IL1RAPL1: variants seen among roughly 807,000 people sequenced by gnomAD.
The protein encoded by IL1RAPL1 is interleukin-1 receptor accessory protein-like 1.
IL1RAPL1 carries 3 observed loss-of-function variants against 48.4 expected under a neutral mutation model. That is an observed-to-expected ratio of 0.06 (90% CI 0.03 to 0.16). The LOEUF is 0.16. IL1RAPL1 is among the 10% of genes least tolerant of loss of function. IL1RAPL1 has a pLI of 1.00. For missense variants in IL1RAPL1, 349 were observed against 530.6 expected, an observed-to-expected ratio of 0.66 and a Z score of 3.36; for synonymous variants, 185 against 187.7, an observed-to-expected ratio of 0.99 and a Z score of 0.12.
intron 3 of IL1RAPL1, among the ~76,000 whole-genome samples, chrX:29,343,697 TTGA>T (rs1933112348): frequency 9.3e-6 from 1 of 106,970 alleles, no homozygotes; most frequent in Non-Finnish European, 1.9e-5. Flanking sequence ...GCGAGTCAAC[TTGA>T]TGATATTCTA....
chrX:29,799,338 A>ATAATT (rs1183795308), intron 6 of IL1RAPL1, among the ~76,000 whole-genome samples: 1 of 112,257 alleles, frequency 8.9e-6, no homozygotes, highest in Admixed American at 9.5e-5. Flanking sequence ...CTTCTTCTAT[A>ATAATT]TAATTTACTT....
At chrX:29,418,310 T>G (rs2147703354) in intron 5 of IL1RAPL1, among the ~76,000 whole-genome samples, 1 of 106,508 alleles carries the variant, frequency 9.4e-6, no homozygotes, top group Admixed American at 1.0e-4. Flanking sequence ...ATTTTTTTAG[T>G]AGAGATGGGG....
intron 6 of IL1RAPL1, among the ~76,000 whole-genome samples, chrX:29,759,892 G>T (rs1928714029): frequency 9.0e-6 from 1 of 111,526 alleles, no homozygotes; most frequent in Non-Finnish European, 1.9e-5. Context: ...TTCCCTTGGG[G>T]TAATGGCCAG....
rs1053224125 is a variant in IL1RAPL1 at position 29,756,316 on chromosome X, A to C, written c.778+87812A>C. ...TATACACAGATTTTTAATAATGATT[A>C]TTTCCAGGAATTAGGGAAGAGGTGA... On this transcript the variant is annotated intron_variant, in intron 6 of 10. Coordinates refer to ENST00000378993, the MANE Select transcript of IL1RAPL1 (RefSeq NM_014271.4). 8.9e-5 allele frequency among the ~76,000 whole-genome samples: 10 copies of C among 112,288 alleles called. No individual in the cohort carries two copies. In the East Asian group the frequency reaches 2.8e-3, roughly 31 times the overall value.
At chrX:29,604,216 A>G (rs1257873269) in intron 5 of IL1RAPL1, among the ~76,000 whole-genome samples, 1 of 112,080 alleles carries the variant, frequency 8.9e-6, no homozygotes, top group Non-Finnish European at 1.9e-5. Context: ...TCTCCTCTGA[A>G]TAGCTGCTAT....
chrX:29,913,405 C>CACACACACACACACACACACAT (rs1410153900), intron 6 of IL1RAPL1, among the ~76,000 whole-genome samples: 1 of 109,515 alleles, frequency 9.1e-6, no homozygotes, highest in Non-Finnish European at 1.9e-5. Flanking sequence ...CACACACACA[C>CACACACACACACACACACACAT]ATATATACAC....
At chrX:29,271,968 G>A (rs1005256420) in intron 2 of IL1RAPL1, among the ~76,000 whole-genome samples, 2 of 111,576 alleles carry the variant, frequency 1.8e-5, no homozygotes, top group African/African-American at 6.5e-5. Flanking sequence ...TCCTTATTAT[G>A]TAATCTTTGC....
At chrX:28,680,359 G>A (rs1411076470) in intron 1 of IL1RAPL1, among the ~76,000 whole-genome samples, 2 of 110,295 alleles carry the variant, frequency 1.8e-5, no homozygotes, top group Admixed American at 9.6e-5. Context: ...CAGTTTTTTT[G>A]TTGCCATTAG....
chrX:29,522,610 A>AATTTTT (rs1222469502), intron 5 of IL1RAPL1, among the ~76,000 whole-genome samples: 1 of 112,011 alleles, frequency 8.9e-6, no homozygotes, highest in African/African-American at 3.2e-5. Flanking sequence ...TTTAAATGTT[A>AATTTTT]ATTTTTATTG....
At chrX:29,394,208 C>T (rs1035565556) in intron 3 of IL1RAPL1, among the ~76,000 whole-genome samples, 2 of 110,736 alleles carry the variant, frequency 1.8e-5, no homozygotes, top group Admixed American at 2.0e-4. Context: ...TTCATTGGGG[C>T]TGCCATTTGT....
chrX:29,550,434 C>A (rs972142997), intron 5 of IL1RAPL1, among the ~76,000 whole-genome samples: 1 of 111,578 alleles, frequency 9.0e-6, no homozygotes, highest in African/African-American at 3.3e-5. Context: ...CCGCCTCGGC[C>A]TCCCAAAGTG....
At chrX:29,632,832 C>A (rs747495359) in intron 5 of IL1RAPL1, among the ~76,000 whole-genome samples, 94 of 111,789 alleles carry the variant, frequency 8.4e-4, no homozygotes, top group African/African-American at 3.0e-3. Context: ...TTATGTCTGT[C>A]AATCCTATCT....
At chrX:29,063,650 G>A (rs1416485241) in intron 2 of IL1RAPL1, among the ~76,000 whole-genome samples, 1 of 111,853 alleles carries the variant, frequency 8.9e-6, no homozygotes, top group Admixed American at 9.5e-5. Context: ...GTATACTAGA[G>A]TGAAGAAACC....
chrX:28,789,303 T>A lies in IL1RAPL1; in HGVS notation c.-24-17T>A, dbSNP rs1437797184. On this transcript the variant is annotated splice_polypyrimidine_tract_variant and intron_variant, in intron 1 of 10. Transcript: ENST00000378993. ...TTAAAACATGTATGTTTTTCTTCTT[T>A]TTAATCTTTGCTTTAGGGAACGGCC... is the stretch of plus-strand genomic sequence containing the variant. The A allele has an allele frequency of 2.0e-6, 2 of 1,009,908 alleles. No homozygotes were observed. The highest frequency in any genetic ancestry group is 2.8e-6 in the Non-Finnish European group (2 of 712,867). The allele number at this position is 1,009,908 out of a possible 1,213,427, so 83.2% of individuals were successfully genotyped here.
chrX:28,892,890 G>C (rs774280972), intron 2 of IL1RAPL1, among the ~76,000 whole-genome samples: 67 of 111,578 alleles, frequency 6.0e-4, no homozygotes, highest in Non-Finnish European at 9.8e-4. Flanking sequence ...GGTATTAAAG[G>C]CCTAAGAATT....
intron 2 of IL1RAPL1, among the ~76,000 whole-genome samples, chrX:29,019,577 A>G (rs183156367): frequency 8.7e-4 from 97 of 111,453 alleles, no homozygotes; most frequent in African/African-American, 3.0e-3. Context: ...AAAAGGAGAC[A>G]TTGTGGGGTG....
intron 2 of IL1RAPL1, among the ~76,000 whole-genome samples, chrX:29,211,120 GGAGAGA>G (rs3065741): frequency 9.6e-5 from 10 of 104,022 alleles, no homozygotes; most frequent in Admixed American, 3.1e-4. Flanking sequence ...AAAGAGAAAG[GGAGAGA>G]GAGAGAGAGA....
In IL1RAPL1 at chrX:29,138,429, A is replaced by G. The variant is rs776325952; in HGVS notation, c.83-144509A>G. On this transcript the variant is annotated intron_variant, in intron 2 of 10. Transcript: ENST00000378993. The stretch of plus-strand genomic sequence containing the variant: ...GACAGTTGACAGCTAGGTATAACTT[A>G]TATATATTTCATACAGTAACTCAAT... Among the ~76,000 whole-genome samples the G allele has an allele frequency of 1.2e-4, 13 of 111,536 alleles. No homozygotes were observed. In the South Asian group the frequency reaches 4.4e-3, roughly 38 times the overall value.
At chrX:29,359,333 C>T (rs1056976166) in intron 3 of IL1RAPL1, among the ~76,000 whole-genome samples, 1 of 111,560 alleles carries the variant, frequency 9.0e-6, no homozygotes, top group Non-Finnish European at 1.9e-5. Flanking sequence ...CATCACCCTT[C>T]CCAAAAATAC....
Sources: allele counts gnomAD v4.1 joint callset (sites outside exome capture counted in the v4.1 genomes callset), GRCh38; gene constraint gnomAD v4.1.1; transcripts MANE v1.5; gene names NCBI Gene and HGNC (gene_info 2026-07-23, HGNC 2026-07-21).